UNC5D: variants seen among roughly 807,000 people sequenced by gnomAD.
UNC5D encodes the protein netrin receptor UNC5D.
UNC5D carries 39 observed loss-of-function variants against 105.4 expected under a neutral mutation model. The observed-to-expected ratio is 0.37, with a 90% CI of 0.29 to 0.48. The LOEUF is 0.48. Ranked by LOEUF, UNC5D falls within the 20% of genes least tolerant of loss-of-function variation. The pLI, the probability that UNC5D is intolerant of heterozygous loss-of-function variation, is 0.98. For synonymous variants in UNC5D, 452 were observed against 450.4 expected (o/e 1.00, Z -0.04); for missense variants, 991 against 1,202.4 (o/e 0.82, Z 2.60).
rs185558132 is a variant in UNC5D, at chr8:35,599,878, C to A, written c.570+4221C>A. 1.5e-3 allele frequency among the ~76,000 whole-genome samples: 231 copies of A among 152,136 alleles called. 3 individuals carry two copies. The highest frequency in any genetic ancestry group is 5.3e-3 in the African/African-American group (221 of 41,512). ...CAGGTTAGTTACATAAGTATACATG[C>A]GCCATGTTGGTGTGCTGCACCCATT... On this transcript the variant is annotated intron_variant, in intron 4 of 16. Transcript: ENST00000404895.
intron 1 of UNC5D, among the ~76,000 whole-genome samples, chr8:35,433,533 T>C (rs1181742600): frequency 6.6e-6 from 1 of 152,132 alleles, no homozygotes; most frequent in Admixed American, 6.6e-5. Context: ...CTCAATTCAG[T>C]TATGAAAAGA....
intron 1 of UNC5D, among the ~76,000 whole-genome samples, chr8:35,382,251 C>G (rs1330219669): frequency 1.3e-5 from 2 of 152,168 alleles, no homozygotes; most frequent in Non-Finnish European, 2.9e-5. Context: ...GTTTGAGGTT[C>G]TGTGTTTTCC....
intron 1 of UNC5D, among the ~76,000 whole-genome samples, chr8:35,258,817 T>G (rs1415437286): frequency 6.6e-6 from 1 of 151,972 alleles, no homozygotes; most frequent in African/African-American, 2.4e-5. Context: ...CATCTCAGAG[T>G]GCTATGGCAT....
chr8:35,618,501 C>G (rs1408148482), intron 4 of UNC5D, among the ~76,000 whole-genome samples: 1 of 152,110 alleles, frequency 6.6e-6, no homozygotes, highest in Non-Finnish European at 1.5e-5. Flanking sequence ...TGGGAGCTGA[C>G]AAATACTAGA....
At chr8:35,496,250 G>A (rs915620758) in intron 1 of UNC5D, among the ~76,000 whole-genome samples, 6 of 152,178 alleles carry the variant, frequency 3.9e-5, no homozygotes, top group African/African-American at 1.4e-4. Flanking sequence ...GGGGATGGAG[G>A]AAGACTGGAA....
intron 7 of UNC5D, among the ~76,000 whole-genome samples, chr8:35,696,722 T>A (rs930577932): frequency 6.6e-6 from 1 of 152,120 alleles, no homozygotes; most frequent in Non-Finnish European, 1.5e-5. Context: ...TCAAGATCAT[T>A]ACGAAAGGTG....
intron 1 of UNC5D, among the ~76,000 whole-genome samples, chr8:35,318,819 C>T (rs547530901): frequency 1.3e-5 from 2 of 151,992 alleles, no homozygotes; most frequent in East Asian, 1.9e-4. Flanking sequence ...TGACCAGAGA[C>T]CTTTGATAAT....
chr8:35,394,078 C>T (rs1005013161), intron 1 of UNC5D, among the ~76,000 whole-genome samples: 9 of 151,474 alleles, frequency 5.9e-5, no homozygotes, highest in Non-Finnish European at 8.8e-5. Context: ...GTTTACATGA[C>T]GTGTATTTCA....
At chr8:35,237,662 G>A (rs1482197132) in intron 1 of UNC5D, among the ~76,000 whole-genome samples, 1 of 152,158 alleles carries the variant, frequency 6.6e-6, no homozygotes, top group Non-Finnish European at 1.5e-5. Context: ...TGTACATTCT[G>A]CAGGCTTATT....
At chr8:35,305,575 CTTTTTCTTTCTTTCTTTCTTTCTT>C (rs1808283765) in intron 1 of UNC5D, among the ~76,000 whole-genome samples, 1 of 97,414 alleles carries the variant, frequency 1.0e-5, no homozygotes, top group Admixed American at 9.8e-5. Flanking sequence ...TTCTTTCTTT[CTTTTTCTTTCTTTCTTTCTTTCTT>C]TCTTTCTTTC....
chr8:35,422,382 T>A (rs1805972130), intron 1 of UNC5D, among the ~76,000 whole-genome samples: 1 of 152,224 alleles, frequency 6.6e-6, no homozygotes, highest in South Asian at 2.1e-4. Flanking sequence ...TTTGAATCAA[T>A]CCTGGCGGAG....
chr8:35,766,699 C>T (rs2131709285), intron 14 of UNC5D, among the ~76,000 whole-genome samples: 1 of 152,326 alleles, frequency 6.6e-6, no homozygotes, highest in East Asian at 1.9e-4. Context: ...ACATTAATTA[C>T]ATTTGTGCTG....
chr8:35,298,059 C>G (rs2128868170), intron 1 of UNC5D, among the ~76,000 whole-genome samples: 1 of 152,288 alleles, frequency 6.6e-6, no homozygotes, highest in African/African-American at 2.4e-5. Flanking sequence ...TGTCTGCAGA[C>G]TATGAGCTTC....
intron 11 of UNC5D, among the ~76,000 whole-genome samples, chr8:35,737,962 C>T (rs572878213): frequency 7.9e-5 from 12 of 152,016 alleles, no homozygotes; most frequent in Admixed American, 5.9e-4. Context: ...CAAAATTAGC[C>T]GGGTGTGGTG....
At chr8:35,406,115 A>G (rs1250036020) in intron 1 of UNC5D, among the ~76,000 whole-genome samples, 1 of 152,156 alleles carries the variant, frequency 6.6e-6, no homozygotes, top group African/African-American at 2.4e-5. Flanking sequence ...CTTGATAGTA[A>G]AATAGTGCCT....
At chr8:35,642,452 G>A (rs190520206) in intron 4 of UNC5D, among the ~76,000 whole-genome samples, 2 of 152,046 alleles carry the variant, frequency 1.3e-5, no homozygotes, top group East Asian at 1.9e-4. Flanking sequence ...TTTTTTAGAG[G>A]TTTTTCTGTC....
intron 1 of UNC5D, among the ~76,000 whole-genome samples, chr8:35,262,259 C>G (rs1258640926): frequency 2.0e-5 from 3 of 152,172 alleles, no homozygotes; most frequent in African/African-American, 7.2e-5. Context: ...TCCTTCTCCT[C>G]TAGAGTCATT....
rs1354774873 is a variant in UNC5D, at chr8:35,792,724, A to G, written c.*2161A>G. Reference sequence around the variant, plus strand: ...CATTATAGAGCTTATGTTGGAATCCATCTTGGAGGATTTTTGTTTTAAACT... The same window carrying G: ...CATTATAGAGCTTATGTTGGAATCCGTCTTGGAGGATTTTTGTTTTAAACT... On this transcript the variant is annotated 3_prime_UTR_variant, in exon 17 of 17. Coordinates refer to ENST00000404895, the MANE Select transcript of UNC5D (RefSeq NM_080872.4). The G allele has an allele frequency of 7.6e-6, 2 of 264,848 alleles. No homozygotes were observed. Among genetic ancestry groups the G allele is most frequent in the Non-Finnish European group, 7.3e-6 (1 of 136,784 alleles). The allele number at this position is 264,848 out of a possible 1,614,324, so 16.4% of individuals were successfully genotyped here. A position where few individuals can be genotyped will look rare whatever the true frequency, so the allele number is the denominator to read the frequency against.
chr8:35,653,315 ATT>A (rs1692179549), intron 4 of UNC5D, among the ~76,000 whole-genome samples: 1 of 152,002 alleles, frequency 6.6e-6, no homozygotes, highest in South Asian at 2.1e-4. Flanking sequence ...AATTTCAACT[ATT>A]TTTCAATGAT....
Sources: allele counts gnomAD v4.1 joint callset (sites outside exome capture counted in the v4.1 genomes callset), GRCh38; gene constraint gnomAD v4.1.1; transcripts MANE v1.5; gene names NCBI Gene and HGNC (gene_info 2026-07-23, HGNC 2026-07-21).